RAPGEF1: variants seen among roughly 807,000 people sequenced by gnomAD.
RAPGEF1 encodes CRK SH3-binding GNRP.
A neutral mutation model predicts 143.3 loss-of-function variants in RAPGEF1; 33 were observed. The observed-to-expected ratio is 0.23, with a 90% CI of 0.17 to 0.31. The LOEUF (loss-of-function observed/expected upper bound fraction) is 0.31, where lower values mean the gene tolerates loss of function less well. RAPGEF1 is among the 10% of genes least tolerant of loss of function. RAPGEF1 has a pLI of 1.00. For missense variants in RAPGEF1, 1,199 were observed against 1,645.4 expected, an observed-to-expected ratio of 0.73 and a Z score of 4.69; for synonymous variants, 629 against 676.5, an observed-to-expected ratio of 0.93 and a Z score of 1.09.
intron 10 of RAPGEF1, 108 bp from the exon 11 acceptor site, chr9:131,622,106 T>C: frequency 9.3e-7 from 1 of 1,072,298 alleles, no homozygotes; most frequent in Non-Finnish European, 1.4e-6. Context: ...TGAAAGCACC[T>C]CAGAGAGGGA....
chr9:131,581,356 T>G (rs1951841249), intron 25 of RAPGEF1, among the ~76,000 whole-genome samples: 1 of 151,674 alleles, frequency 6.6e-6, no homozygotes, highest in Non-Finnish European at 1.5e-5. Context: ...ATTGCACCAC[T>G]GCACTCCAGC....
intron 1 of RAPGEF1, among the ~76,000 whole-genome samples, chr9:131,680,083 C>T (rs1452353745): frequency 6.6e-6 from 1 of 152,216 alleles, no homozygotes; most frequent in African/African-American, 2.4e-5. Flanking sequence ...ACTAAAACTC[C>T]CATCCCCAAA....
At chr9:131,642,909 G>T (rs528071596) in intron 4 of RAPGEF1, among the ~76,000 whole-genome samples, 8 of 152,178 alleles carry the variant, frequency 5.3e-5, no homozygotes, top group East Asian at 1.9e-4. Context: ...TTCAAAACAG[G>T]CTCCTCCCAC....
Position 131,626,245 on chromosome 9 carries a change from G to C in RAPGEF1, c.1379C>G (p.Pro460Arg). Reference sequence around the variant, plus strand: ...ATCTGTCTGCTGCCCTGGGGCCAGAGGTCCGTCTGGCTGGGGATGGCCGCC... The same window carrying C: ...ATCTGTCTGCTGCCCTGGGGCCAGACGTCCGTCTGGCTGGGGATGGCCGCC... ...PLGGHPQPDG[P>R]LAPGQQTDTP... The change falls in exon 10 of 27, where the codon CCT becomes CGT. Residue 460 changes from proline (P) to arginine (R), a missense_variant. Physicochemically the swap from Pro to Arg is moderately radical, Grantham distance 103 (BLOSUM62 -2). Transcript: ENST00000683357. 6.2e-7 allele frequency: 1 copy of C among 1,613,968 alleles called. No individual in the cohort carries two copies. The highest frequency in any genetic ancestry group is 8.5e-7 in the Non-Finnish European group (1 of 1,179,854).
intron 15 of RAPGEF1, among the ~76,000 whole-genome samples, chr9:131,599,025 A>G (rs891990796): frequency 1.3e-5 from 2 of 151,980 alleles, no homozygotes; most frequent in Non-Finnish European, 2.9e-5. Context: ...GGGATTCACT[A>G]TGTTGGTCAG....
chr9:131,701,700 A>G (rs184482279), intron 1 of RAPGEF1, among the ~76,000 whole-genome samples: 3 of 152,358 alleles, frequency 2.0e-5, no homozygotes, highest in Middle Eastern at 3.4e-3. Flanking sequence ...ATGGTTTTAT[A>G]TTATTACATG....
At chr9:131,646,688 T>C (rs928086965) in intron 3 of RAPGEF1, among the ~76,000 whole-genome samples, 2 of 152,116 alleles carry the variant, frequency 1.3e-5, no homozygotes, top group Non-Finnish European at 2.9e-5. Context: ...ATAAGCCTCA[T>C]TTCCACACTA....
Position 131,626,149 on chromosome 9 carries a change from C to A in RAPGEF1, c.1475G>T (p.Arg492Met), listed in dbSNP as rs1962960348. The change falls in exon 10 of 27, where the codon AGG becomes ATG. Residue 492 changes from arginine (R) to methionine (M), a missense_variant. Physicochemically the swap from Arg to Met is moderately conservative, Grantham distance 91 (BLOSUM62 -1). Around this residue, in one of 6 missense-constraint regions of RAPGEF1, gnomAD observed 613 missense variants for 710.9 expected, o/e 0.86. Coordinates refer to ENST00000683357, the MANE Select transcript of RAPGEF1 (RefSeq NM_001377935.1). ...CGAGGGATGCCGCTCGTAGGACACCCTGCAGCCAGAGCCGTCCGCCGTCTG... is the reference window on the plus strand; with the variant it reads ...CGAGGGATGCCGCTCGTAGGACACCATGCAGCCAGAGCCGTCCGCCGTCTG... ...ASQTADGSGC[R>M]VSYERHPSQY... 1 of 1,613,798 alleles carries A rather than the reference C, an allele frequency of 6.2e-7. No homozygotes were observed. The highest frequency in any genetic ancestry group is 1.7e-5 in the Admixed American group (1 of 59,996).
intron 12 of RAPGEF1, among the ~76,000 whole-genome samples, chr9:131,612,927 C>T (rs751065931): frequency 6.6e-6 from 1 of 152,168 alleles, no homozygotes; most frequent in South Asian, 2.1e-4. Context: ...AGCCTGGGAC[C>T]AATGCATCTG....
chr9:131,598,340 T>C (rs1224187966), intron 15 of RAPGEF1, 30 bp from the exon 16 acceptor site: 1 of 1,588,640 alleles, frequency 6.3e-7, no homozygotes, highest in Admixed American at 1.7e-5. Context: ...GTGTTGCAAG[T>C]GTCAAACCGG....
Position 131,650,780 on chromosome 9 carries a change from G to A in RAPGEF1, c.201+30C>T. 1.2e-6 allele frequency: 2 copies of A among 1,610,586 alleles called. No homozygotes were observed. The highest frequency in any genetic ancestry group is 1.7e-6 in the Non-Finnish European group (2 of 1,178,404). ...AACTCATATTGCTGGAAGCAGGTGA[G>A]GCCAGGAGAAACATCCAGAGTCAGC... On this transcript the variant is annotated intron_variant, in intron 2 of 26. Coordinates refer to ENST00000683357, the MANE Select transcript of RAPGEF1 (RefSeq NM_001377935.1). This position sits in a 1 kb window ranked among gnomAD's most constrained non-coding sequence, Gnocchi z 4.7.
chr9:131,686,128 A>T (rs553339885), intron 1 of RAPGEF1, among the ~76,000 whole-genome samples: 1 of 152,316 alleles, frequency 6.6e-6, no homozygotes, highest in Admixed American at 6.5e-5. Flanking sequence ...TCCAAAGCAG[A>T]GGGCAGCAAA....
At chr9:131,616,969 C>A (rs774796997) in intron 12 of RAPGEF1, among the ~76,000 whole-genome samples, 5 of 152,168 alleles carry the variant, frequency 3.3e-5, no homozygotes, top group Non-Finnish European at 7.3e-5. Context: ...TAAGGTCCTT[C>A]CCTCAGGCTC....
rs551777098 is a variant in RAPGEF1, at chr9:131,667,151, G to A, written c.62-16202C>T. Among the ~76,000 whole-genome samples the A allele has an allele frequency of 1.3e-5, 2 of 152,202 alleles. No individual in the cohort carries two copies. The highest frequency in any genetic ancestry group is 4.2e-4 in the South Asian group (2 of 4,814). ...ATTACAGGTGCCTGCCACCACGCCT[G>A]GCTAAGTTTTGTATTTTTAGTAGAG... On this transcript the variant is annotated intron_variant, in intron 1 of 26. Coordinates refer to ENST00000683357, the MANE Select transcript of RAPGEF1 (RefSeq NM_001377935.1). The surrounding 1 kb of genome is among the most constrained non-coding windows in gnomAD (Gnocchi z 4.6).
chr9:131,605,228 CAAG>C lies in RAPGEF1; in HGVS notation c.2062-43_2062-41del, dbSNP rs774721606. 12 of 1,247,734 alleles carry C rather than the reference CAAG, an allele frequency of 9.6e-6. No homozygotes were observed. In the South Asian group the frequency reaches 9.6e-5, roughly 10 times the overall value. 77.3% of individuals were successfully genotyped at this position (1,247,734 alleles called of 1,614,324 possible). A position where few individuals can be genotyped will look rare whatever the true frequency, so the allele number is the denominator to read the frequency against. On this transcript the variant is annotated intron_variant, in intron 12 of 26. Coordinates refer to ENST00000683357, the MANE Select transcript of RAPGEF1 (RefSeq NM_001377935.1). ...TGGAGAACAAACAAAAACGAGAATA[CAAG>C]AAGAAAAGAGAAAAAGTAATTAGAT...
intron 1 of RAPGEF1, among the ~76,000 whole-genome samples, chr9:131,674,020 C>T (rs1177664720): frequency 3.9e-5 from 6 of 152,172 alleles, no homozygotes. Context: ...TCTCTAAACT[C>T]TGTAAAAAGC....
intron 1 of RAPGEF1, among the ~76,000 whole-genome samples, chr9:131,738,179 T>C (rs1415091085): frequency 6.6e-6 from 1 of 151,394 alleles, no homozygotes; most frequent in Non-Finnish European, 1.5e-5. Context: ...ACAATGAACA[T>C]AGAATATTCT....
intron 13 of RAPGEF1, 79 bp downstream of exon 13, chr9:131,604,852 G>T (rs577858826): frequency 8.2e-7 from 1 of 1,217,142 alleles, no homozygotes; most frequent in South Asian, 1.5e-5. Context: ...ACGTGAAACC[G>T]CTTTTTAAAA....
At chr9:131,697,290 A>G (rs1446947887) in intron 1 of RAPGEF1, among the ~76,000 whole-genome samples, 1 of 152,240 alleles carries the variant, frequency 6.6e-6, no homozygotes, top group East Asian at 1.9e-4. Flanking sequence ...GCAAGGTCAC[A>G]GAGACTTGAA....
Sources: gnomAD v4.1 joint callset for allele counts (sites outside exome capture counted in the v4.1 genomes callset) on GRCh38, gnomAD v4.1.1 for gene constraint, gnomAD v4.1.1 regional missense constraint, Gnocchi (gnomAD v3.1) non-coding constraint, MANE v1.5 for transcripts, NCBI Gene and HGNC (gene_info 2026-07-23, HGNC 2026-07-21) for gene names.